ASPRV1: variants seen among roughly 807,000 people sequenced by gnomAD.
The protein encoded by ASPRV1 is retroviral-like aspartic protease 1.
In ASPRV1, 7 loss-of-function variants were observed where a neutral mutation model predicts 11.0. The observed-to-expected ratio is 0.64, with a 90% CI of 0.36 to 1.20. ASPRV1 has a LOEUF of 1.20. Among genes scored for constraint, ASPRV1 ranks in the 50% most tolerant of loss-of-function variants. The pLI is 0.02. For missense variants in ASPRV1, 299 were observed against 320.0 expected (o/e 0.93, Z 0.50); for synonymous variants, 136 against 138.4 (o/e 0.98, Z 0.12).
chr2:69,949,710 T>C, the ASPRV1 span, among the ~76,000 whole-genome samples: 70 of 152,324 alleles, frequency 4.6e-4, no homozygotes, highest in African/African-American at 1.6e-3. Flanking sequence ...TTTCGGCATA[T>C]TTAGTTTTAC....
chr2:70,040,146 A>G, the ASPRV1 span, among the ~76,000 whole-genome samples: 1 of 152,214 alleles, frequency 6.6e-6, no homozygotes, highest in African/African-American at 2.4e-5. Context: ...GTATTAAAGT[A>G]CTTGATGTAT....
the ASPRV1 span, among the ~76,000 whole-genome samples, chr2:69,979,004 T>G: frequency 6.6e-6 from 1 of 152,204 alleles, no homozygotes; most frequent in Admixed American, 6.5e-5. Flanking sequence ...TGTCCTCTTT[T>G]GGGTGTCCCT....
chr2:69,933,398 C>T, the ASPRV1 span, among the ~76,000 whole-genome samples: 1 of 152,130 alleles, frequency 6.6e-6, no homozygotes, highest in South Asian at 2.1e-4. Flanking sequence ...TTCTTCCCTT[C>T]CCTGGTCCCC....
At chr2:69,940,340 T>C in the ASPRV1 span, 1 of 152,232 alleles carries the variant, frequency 6.6e-6, no homozygotes, top group African/African-American at 2.4e-5. Flanking sequence ...GAGGTCCCTT[T>C]TGAATGCCAT....
At chr2:69,969,566 G>A in the ASPRV1 span, among the ~76,000 whole-genome samples, 2 of 152,124 alleles carry the variant, frequency 1.3e-5, no homozygotes, top group East Asian at 1.9e-4. Context: ...GCTCCCTGAG[G>A]CTCTGTCTAC....
At chr2:70,064,867 G>A in the ASPRV1 span, among the ~76,000 whole-genome samples, 1 of 152,128 alleles carries the variant, frequency 6.6e-6, no homozygotes, top group African/African-American at 2.4e-5. Flanking sequence ...GCCAAGGCAG[G>A]CGGAACGTTT....
upstream of ASPRV1, chr2:69,963,265 A>C (rs1404686068): frequency 2.2e-6 from 1 of 456,444 alleles, no homozygotes; most frequent in Non-Finnish European, 4.4e-6. Flanking sequence ...GAGGAGGGGA[A>C]ATGGAGTCAC....
chr2:69,961,415 T>A lies in ASPRV1; in HGVS notation c.22A>T (p.Ser8Cys), dbSNP rs1298857083. 1.9e-6 allele frequency: 3 copies of A among 1,614,028 alleles called. No individual in the cohort carries two copies. Among genetic ancestry groups the A allele is most frequent in the Non-Finnish European group, 2.5e-6 (3 of 1,180,028 alleles). Residue 8 changes from serine to cysteine, a missense_variant, in exon 1 of 1, where the codon AGT becomes TGT. By Grantham distance (112) the Ser-to-Cys change is moderately radical. Transcript: ENST00000320256. MAGSGAR[S>C]EEGRRQHAFV... ...GCATGCTGCCGGCGGCCTTCCTCAC[T>A]CCTGGCTCCGCTCCCGGCCATCCTG...
At chr2:69,944,514 C>G in the ASPRV1 span, among the ~76,000 whole-genome samples, 1 of 152,196 alleles carries the variant, frequency 6.6e-6, no homozygotes, top group African/African-American at 2.4e-5. Context: ...CATTTTGCCC[C>G]AAACCCACAG....
chr2:69,949,934 G>A, the ASPRV1 span, among the ~76,000 whole-genome samples: 8 of 152,162 alleles, frequency 5.3e-5, no homozygotes, highest in Non-Finnish European at 1.2e-4. Context: ...TCTTGCCTCA[G>A]CCTCCCGAGT....
the ASPRV1 span, among the ~76,000 whole-genome samples, chr2:70,080,184 A>C: frequency 6.6e-6 from 1 of 152,060 alleles, no homozygotes; most frequent in Non-Finnish European, 1.5e-5. Flanking sequence ...AAACATGGTA[A>C]GATTCAGAAG....
At chr2:69,952,518 A>G in the ASPRV1 span, among the ~76,000 whole-genome samples, 1 of 151,432 alleles carries the variant, frequency 6.6e-6, no homozygotes, top group African/African-American at 2.4e-5. Flanking sequence ...AAGAAAAAGA[A>G]AAAGAAAGGA....
chr2:69,962,460 T>A (rs1260488430), upstream of ASPRV1: 3 of 152,304 alleles, frequency 2.0e-5, no homozygotes, highest in Non-Finnish European at 4.4e-5. Flanking sequence ...TGGTCATTTG[T>A]GGAAAGATCA....
downstream of ASPRV1, among the ~76,000 whole-genome samples, chr2:69,959,146 G>A (rs1678004203): frequency 6.6e-6 from 1 of 152,164 alleles, no homozygotes; most frequent in African/African-American, 2.4e-5. Flanking sequence ...CTCTCCCTCA[G>A]GAGCTGTCCA....
At chr2:70,052,527 G>C in the ASPRV1 span, among the ~76,000 whole-genome samples, 1 of 152,216 alleles carries the variant, frequency 6.6e-6, no homozygotes, top group Middle Eastern at 3.4e-3. Flanking sequence ...AACAGTATAA[G>C]CAGCGTATCT....
the ASPRV1 span, chr2:70,016,375 C>T: frequency 6.6e-6 from 1 of 152,022 alleles, no homozygotes; most frequent in Non-Finnish European, 1.5e-5. Context: ...AGCATAGATA[C>T]AAAAATCCTC....
chr2:70,082,323 C>T, the ASPRV1 span, among the ~76,000 whole-genome samples: 1 of 152,080 alleles, frequency 6.6e-6, no homozygotes, highest in East Asian at 1.9e-4. Context: ...AATCCCAGGA[C>T]TTTGGGAGGC....
chr2:70,086,150 A>C, the ASPRV1 span: 1 of 152,138 alleles, frequency 6.6e-6, no homozygotes, highest in African/African-American at 2.4e-5. Flanking sequence ...GGGCTTTTTT[A>C]AGTCATAAAA....
the ASPRV1 span, chr2:70,028,407 C>T: frequency 2.0e-5 from 3 of 152,134 alleles, no homozygotes; most frequent in African/African-American, 7.2e-5. Flanking sequence ...ACGTACTCAC[C>T]CCTCCATGCC....
Sources: allele counts gnomAD v4.1 joint callset (sites outside exome capture counted in the v4.1 genomes callset), GRCh38; gene constraint gnomAD v4.1.1; transcripts MANE v1.5; gene names NCBI Gene and HGNC (gene_info 2026-07-23, HGNC 2026-07-21).